The following PDE1C variants were observed in gnomAD, a reference collection of about 807,000 sequenced individuals.
PDE1C encodes dual specificity calcium/calmodulin-dependent 3',5'-cyclic nucleotide phosphodiesterase 1C.
A neutral mutation model predicts 93.1 loss-of-function variants in PDE1C; 62 were observed. That is an observed-to-expected ratio of 0.67 (90% confidence interval 0.54 to 0.82). The LOEUF (loss-of-function observed/expected upper bound fraction) is 0.82. Ranked by LOEUF, PDE1C falls within the 40% of genes least tolerant of loss-of-function variation. The pLI, the probability that PDE1C is intolerant of heterozygous loss-of-function variation, is 0.00. For missense variants in PDE1C, 742 were observed against 884.6 expected (o/e 0.84, Z 2.04); for synonymous variants, 325 against 310.1 (o/e 1.05, Z -0.50).
At chr7:31,661,910 G>A in the PDE1C span, among the ~76,000 whole-genome samples, 2 of 151,826 alleles carry the variant, frequency 1.3e-5, no homozygotes, top group Non-Finnish European at 2.9e-5. Flanking sequence ...CTGAGCAATC[G>A]CATTTGCACC....
chr7:31,780,015 G>T (rs547884330), intron 16 of PDE1C, among the ~76,000 whole-genome samples: 21 of 152,270 alleles, frequency 1.4e-4, no homozygotes, highest in Non-Finnish European at 2.8e-4. Flanking sequence ...ACATGGAACT[G>T]GTTCTTGGAT....
the PDE1C span, chr7:31,707,510 T>C: frequency 6.0e-6 from 3 of 500,230 alleles, no homozygotes; most frequent in East Asian, 1.0e-4. Context: ...TATTTTCTAA[T>C]GCAGTGGAAA....
At chr7:32,112,834 GTGTGTGTGTGTGTATATATATATATATA>G (rs1412371153) in intron 3 of PDE1C, among the ~76,000 whole-genome samples, 52 of 58,096 alleles carry the variant, frequency 9.0e-4, no homozygotes, top group African/African-American at 3.8e-3. Context: ...GTGTGTGTGT[GTGTGTGTGTGTGTATATATATATATATA>G]TATATATATA....
At position 31,848,099 on chromosome 7, in the gene PDE1C, G is replaced by T; in HGVS notation, c.852-3C>A. 1.2e-6 allele frequency: 2 copies of T among 1,611,460 alleles called. No individual in the cohort carries two copies. The highest frequency in any genetic ancestry group is 8.5e-7 in the Non-Finnish European group (1 of 1,178,630). ...TATACAGAATAGCTGGATCAGACCT[G>T]AACAGAAAGCCAAGCAAAATTCAGA... On this transcript the variant is annotated splice_region_variant and splice_polypyrimidine_tract_variant and intron_variant, in intron 8 of 17. Coordinates refer to ENST00000396191, the MANE Select transcript of PDE1C (RefSeq NM_001191057.4).
intron 2 of PDE1C, among the ~76,000 whole-genome samples, chr7:32,007,983 G>A (rs1786510504): frequency 6.6e-6 from 1 of 152,184 alleles, no homozygotes; most frequent in African/African-American, 2.4e-5. Context: ...TTTAAGATAA[G>A]TGGTAAAAAT....
Position 31,807,400 on chromosome 7 carries a change from C to T in PDE1C, c.1891+1631G>A, listed in dbSNP as rs79679976. 4.6e-5 allele frequency among the ~76,000 whole-genome samples: 7 copies of T among 151,810 alleles called. No individual in the cohort carries two copies. In the East Asian group the frequency reaches 1.2e-3, roughly 25 times the overall value. On this transcript the variant is annotated intron_variant, in intron 16 of 17. Transcript: ENST00000396191. ...GAACATAAAATCTATTTTATCACTT[C>T]CCCCCTCCCCCCAAAAAAACCTGTT...
At chr7:31,641,792 C>T in the PDE1C span, among the ~76,000 whole-genome samples, 10 of 152,138 alleles carry the variant, frequency 6.6e-5, no homozygotes, top group Non-Finnish European at 1.2e-4. Context: ...TGTATATATA[C>T]ACACACACAA....
At chr7:31,761,585 C>T (rs1355658392) in intron 17 of PDE1C, among the ~76,000 whole-genome samples, 1 of 152,126 alleles carries the variant, frequency 6.6e-6, no homozygotes, top group African/African-American at 2.4e-5. Context: ...AGGCAAGCTC[C>T]AGGACTCTTT....
the PDE1C span, among the ~76,000 whole-genome samples, chr7:31,622,057 AT>A: frequency 4.9e-5 from 7 of 142,164 alleles, no homozygotes; most frequent in African/African-American, 1.8e-4. Flanking sequence ...AGAGCTAACT[AT>A]CCTAAATATA....
intron 2 of PDE1C, among the ~76,000 whole-genome samples, chr7:31,975,763 T>C (rs1241962432): frequency 6.6e-6 from 1 of 152,168 alleles, no homozygotes; most frequent in African/African-American, 2.4e-5. Context: ...ATCTTCAAGA[T>C]TAGCCACGTA....
At chr7:32,109,569 C>A (rs1433634879) in intron 3 of PDE1C, among the ~76,000 whole-genome samples, 1 of 152,090 alleles carries the variant, frequency 6.6e-6, no homozygotes, top group East Asian at 1.9e-4. Context: ...TAGTAACTCC[C>A]CAGTCATGAC....
intron 1 of PDE1C, among the ~76,000 whole-genome samples, chr7:32,305,257 G>C (rs369963057): frequency 6.6e-6 from 1 of 152,256 alleles, no homozygotes; most frequent in Admixed American, 6.5e-5. Context: ...ATATTGTCTT[G>C]TGAACCTGCT....
chr7:32,288,449 A>T (rs2128895833), intron 1 of PDE1C, among the ~76,000 whole-genome samples: 1 of 152,308 alleles, frequency 6.6e-6, no homozygotes, highest in Non-Finnish European at 1.5e-5. Context: ...TAAATTCTGC[A>T]CCTTTTAAAC....
intron 2 of PDE1C, among the ~76,000 whole-genome samples, chr7:31,928,399 C>G (rs371201740): frequency 2.0e-5 from 3 of 152,148 alleles, no homozygotes; most frequent in South Asian, 2.1e-4. Context: ...CCTAGCAAGA[C>G]AGCCAAACAT....
At chr7:31,971,391 C>T (rs1236740286) in intron 2 of PDE1C, among the ~76,000 whole-genome samples, 1 of 152,132 alleles carries the variant, frequency 6.6e-6, no homozygotes, top group Non-Finnish European at 1.5e-5. Context: ...TGCTTGCTAG[C>T]CATGTGATCT....
At chr7:32,142,163 G>A (rs1391884585) in intron 3 of PDE1C, among the ~76,000 whole-genome samples, 1 of 151,978 alleles carries the variant, frequency 6.6e-6, no homozygotes, top group African/African-American at 2.4e-5. Flanking sequence ...GATAGATAAG[G>A]AAGAGAAGAA....
chr7:31,740,433 A>T, the PDE1C span, among the ~76,000 whole-genome samples: 2 of 152,212 alleles, frequency 1.3e-5, no homozygotes, highest in Non-Finnish European at 2.9e-5. Flanking sequence ...AGTGCACTTT[A>T]AAAAATTGAG....
chr7:31,973,006 A>C (rs1811171612), intron 2 of PDE1C, among the ~76,000 whole-genome samples: 1 of 152,186 alleles, frequency 6.6e-6, no homozygotes, highest in African/African-American at 2.4e-5. Context: ...CAGAGAAAAT[A>C]GTTTCTGCTC....
chr7:32,104,607 C>T (rs55692147), intron 3 of PDE1C, among the ~76,000 whole-genome samples: 30,931 of 151,866 alleles, frequency 0.2, 3,798 homozygotes, highest in Middle Eastern at 0.31. Flanking sequence ...TAAATATTGA[C>T]GATGGAGGCC....
Sources: allele counts gnomAD v4.1 joint callset (sites outside exome capture counted in the v4.1 genomes callset), GRCh38; gene constraint gnomAD v4.1.1; transcripts MANE v1.5; gene names NCBI Gene and HGNC (gene_info 2026-07-23, HGNC 2026-07-21).